The following DMD variants were observed in gnomAD, a reference collection of about 807,000 sequenced individuals.
DMD encodes the protein dystrophin, also known as mutant dystrophin.
In DMD, 63 loss-of-function variants were observed where a neutral mutation model predicts 330.1. The ratio of observed to expected loss-of-function variants is 0.19; its 90% CI spans 0.16 to 0.24. The LOEUF is 0.24. Ranked by LOEUF, DMD falls within the 10% of genes least tolerant of loss-of-function variation. The pLI is 1.00. For missense variants in DMD, 3,344 were observed against 2,684.1 expected (o/e 1.25, Z -5.43); for synonymous variants, 1,223 against 959.8 (o/e 1.27, Z -5.07).
At chrX:32,218,997 G>A (rs1442396336) in intron 43 of DMD, among the ~76,000 whole-genome samples, 2 of 111,581 alleles carry the variant, frequency 1.8e-5, no homozygotes, top group Non-Finnish European at 3.8e-5. Context: ...CATGTACATT[G>A]CACTCATTGT....
intron 21 of DMD, among the ~76,000 whole-genome samples, chrX:32,480,728 A>G: frequency 9.1e-6 from 1 of 110,379 alleles, no homozygotes; most frequent in Admixed American, 9.6e-5. Context: ...GCATTTAGCG[A>G]GTTTTCCCAT....
At chrX:31,191,585 C>T (rs888559253) in intron 67 of DMD, among the ~76,000 whole-genome samples, 3 of 111,165 alleles carry the variant, frequency 2.7e-5, no homozygotes, top group Non-Finnish European at 5.7e-5. Flanking sequence ...ACGGGAGTTT[C>T]TCTGCACAAG....
At chrX:31,722,811 C>T (rs1390380565) in intron 52 of DMD, among the ~76,000 whole-genome samples, 4 of 109,962 alleles carry the variant, frequency 3.6e-5, no homozygotes, top group Non-Finnish European at 7.6e-5. Context: ...TTTGGGAGGC[C>T]GAGGCGGGTG....
At chrX:32,648,921 C>A (rs1022355383) in intron 9 of DMD, among the ~76,000 whole-genome samples, 6 of 111,067 alleles carry the variant, frequency 5.4e-5, no homozygotes, top group African/African-American at 2.0e-4. Flanking sequence ...CTTTATAGAT[C>A]TATTTATAAG....
At chrX:31,504,651 A>G (rs1188490973) in intron 56 of DMD, among the ~76,000 whole-genome samples, 2 of 111,750 alleles carry the variant, frequency 1.8e-5, no homozygotes, top group Admixed American at 9.6e-5. Flanking sequence ...GTGTTATTCT[A>G]TTCTATTTCA....
intron 7 of DMD, among the ~76,000 whole-genome samples, chrX:32,761,089 G>A (rs1445206362): frequency 2.7e-5 from 3 of 111,692 alleles, no homozygotes; most frequent in Non-Finnish European, 1.9e-5. Flanking sequence ...ACACTTAAAT[G>A]TTATCAACTC....
chrX:31,744,248 A>G (rs1160681150), intron 51 of DMD, among the ~76,000 whole-genome samples: 1 of 111,310 alleles, frequency 9.0e-6, no homozygotes, highest in Non-Finnish European at 1.9e-5. Flanking sequence ...CTGATCACAG[A>G]TCATAACAAA....
chrX:31,769,085 A>G (rs1206117922), intron 51 of DMD, among the ~76,000 whole-genome samples: 1 of 112,215 alleles, frequency 8.9e-6, no homozygotes, highest in African/African-American at 3.2e-5. Flanking sequence ...GGGGACCATA[A>G]GCTTTTCACC....
chrX:32,678,499 C>CGTGTGT (rs760244852), intron 9 of DMD, among the ~76,000 whole-genome samples: 26 of 106,082 alleles, frequency 2.5e-4, no homozygotes, highest in African/African-American at 6.8e-4. Flanking sequence ...TTTGCGTGTC[C>CGTGTGT]GTGTGTGTGT....
intron 1 of DMD, among the ~76,000 whole-genome samples, chrX:33,267,203 G>A (rs1437289981): frequency 2.7e-5 from 3 of 110,602 alleles, no homozygotes; most frequent in Non-Finnish European, 5.7e-5. Context: ...AAAATTAATA[G>A]CATTTCTATA....
chrX:31,325,194 C>A (rs1457334961), intron 61 of DMD, among the ~76,000 whole-genome samples: 1 of 111,046 alleles, frequency 9.0e-6, no homozygotes. Flanking sequence ...CTTCCCTTTC[C>A]ATCTTTGCCT....
chrX:32,508,675 T>C (rs1410931877), intron 18 of DMD, among the ~76,000 whole-genome samples: 4 of 111,843 alleles, frequency 3.6e-5, no homozygotes, highest in Admixed American at 1.9e-4. Flanking sequence ...GTTTTTATAG[T>C]AAAATGGGGA....
At chrX:31,259,781 A>G (rs2050329763) in intron 63 of DMD, among the ~76,000 whole-genome samples, 1 of 111,273 alleles carries the variant, frequency 9.0e-6, no homozygotes, top group Non-Finnish European at 1.9e-5. Context: ...GCTGCAATTC[A>G]TTTTGTGAGA....
intron 1 of DMD, chrX:33,128,369 T>A (rs1207119103): frequency 9.8e-7 from 1 of 1,020,493 alleles, no homozygotes; most frequent in Middle Eastern, 3.8e-4. Flanking sequence ...ACCTGTTTCT[T>A]CCACTCCGGT....
intron 60 of DMD, among the ~76,000 whole-genome samples, chrX:31,356,774 C>T (rs1181921011): frequency 8.9e-6 from 1 of 111,748 alleles, no homozygotes; most frequent in African/African-American, 3.3e-5. Flanking sequence ...GACCCAAGTA[C>T]CTTAAGGGTA....
chrX:33,163,640 C>CTATG (rs2048912022), intron 1 of DMD, among the ~76,000 whole-genome samples: 7 of 10,080 alleles, frequency 6.9e-4, no homozygotes, highest in East Asian at 3.2e-3. Context: ...ATCTATCTAT[C>CTATG]TATCTATCTA....
rs757577929 is a variant in DMD at position 32,378,772 on chromosome X, A to C, written c.4845+1738T>G. On this transcript the variant is annotated intron_variant, in intron 34 of 78. Transcript: ENST00000357033. ...ACATTTAATGTATTGCATTTAAATG[A>C]ATTTAATTTAGTTTTTAAAAATGTG... 1.5e-3 allele frequency among the ~76,000 whole-genome samples: 164 copies of C among 111,285 alleles called. 1 individual carries two copies. Among genetic ancestry groups the C allele is most frequent in the Non-Finnish European group, 2.6e-3 (137 of 52,874 alleles).
At chrX:32,373,705 C>T (rs1603631946) in intron 34 of DMD, among the ~76,000 whole-genome samples, 1 of 111,513 alleles carries the variant, frequency 9.0e-6, no homozygotes, top group East Asian at 2.8e-4. Context: ...TATAGTTTGC[C>T]CATCTCTGCT....
At chrX:31,235,498 T>A (rs1266014056) in intron 63 of DMD, among the ~76,000 whole-genome samples, 1 of 112,346 alleles carries the variant, frequency 8.9e-6, no homozygotes, top group Non-Finnish European at 1.9e-5. Context: ...GGAAAAAAGA[T>A]GAGAAAAATG....
Sources: gnomAD v4.1 joint callset for allele counts (sites outside exome capture counted in the v4.1 genomes callset) on GRCh38, gnomAD v4.1.1 for gene constraint, MANE v1.5 for transcripts, NCBI Gene and HGNC (gene_info 2026-07-23, HGNC 2026-07-21) for gene names.